Variants in NFIA observed in about 807,000 individuals in gnomAD.
The protein encoded by NFIA is nuclear factor I A, also known as nuclear factor 1 A-type.
In NFIA, 8 loss-of-function variants were observed where a neutral mutation model predicts 62.8. The ratio of observed to expected loss-of-function variants is 0.13; its 90% CI spans 0.07 to 0.23. NFIA has a LOEUF of 0.23. Ranked by LOEUF, NFIA falls within the 10% of genes least tolerant of loss-of-function variation. NFIA has a pLI of 1.00. For missense variants in NFIA, 410 were observed against 642.1 expected (o/e 0.64, Z 3.91); for synonymous variants, 235 against 238.1 (o/e 0.99, Z 0.12).
At chr1:61,181,154 CTTG>C (rs1480600931) in intron 2 of NFIA, among the ~76,000 whole-genome samples, 1 of 152,182 alleles carries the variant, frequency 6.6e-6, no homozygotes, top group Admixed American at 6.5e-5. Context: ...ATTGTTAGCT[CTTG>C]TTGTGCAGAT....
chr1:61,429,915 G>T (rs1490020938), intron 10 of NFIA, among the ~76,000 whole-genome samples: 5 of 152,132 alleles, frequency 3.3e-5, no homozygotes, highest in Non-Finnish European at 7.3e-5. Context: ...AGGGGTTAGG[G>T]GCAGGGCAGA....
chr1:61,274,463 T>C (rs1235599552), intron 2 of NFIA, among the ~76,000 whole-genome samples: 1 of 152,224 alleles, frequency 6.6e-6, no homozygotes, highest in Non-Finnish European at 1.5e-5. Context: ...CTCTTCATTG[T>C]AATATACAGA....
At chr1:61,419,535 A>T (rs992189302) in intron 9 of NFIA, among the ~76,000 whole-genome samples, 2 of 152,184 alleles carry the variant, frequency 1.3e-5, no homozygotes, top group African/African-American at 4.8e-5. Context: ...AAGCGTCTCC[A>T]GTTGAAGGGT....
chr1:61,454,751 T>C (rs545783525), intron 10 of NFIA, among the ~76,000 whole-genome samples: 226 of 152,290 alleles, frequency 1.5e-3, no homozygotes, highest in Non-Finnish European at 2.6e-3. Flanking sequence ...CACTTATTCT[T>C]GTGTCGCTAT....
chr1:61,156,654 A>C (rs1648838703), intron 2 of NFIA, among the ~76,000 whole-genome samples: 1 of 152,244 alleles, frequency 6.6e-6, no homozygotes, highest in African/African-American at 2.4e-5. Context: ...CTGTCGAAAG[A>C]GACCTTTTGA....
intron 10 of NFIA, among the ~76,000 whole-genome samples, chr1:61,445,276 C>CT (rs1355441208): frequency 7.9e-5 from 12 of 152,168 alleles, no homozygotes; most frequent in African/African-American, 2.9e-4. Context: ...TTCACGGAGA[C>CT]TGTCAATGCT....
upstream of NFIA, chr1:61,081,913 G>C (rs1043054625): frequency 1.3e-6 from 2 of 1,548,904 alleles, no homozygotes; most frequent in Admixed American, 3.9e-5. Flanking sequence ...AGTTACCTAG[G>C]AGGTCTGATT....
chr1:61,371,570 A>T (rs1373699831), intron 6 of NFIA, among the ~76,000 whole-genome samples: 2 of 152,184 alleles, frequency 1.3e-5, no homozygotes, highest in Non-Finnish European at 2.9e-5. Context: ...TTTATTAGAA[A>T]TGTCATTATC....
At chr1:61,328,389 T>A (rs2100383068) in intron 3 of NFIA, among the ~76,000 whole-genome samples, 1 of 151,472 alleles carries the variant, frequency 6.6e-6, no homozygotes, top group South Asian at 2.1e-4. Context: ...CTAAAGCTTT[T>A]GATATTTTTC....
intron 3 of NFIA, among the ~76,000 whole-genome samples, chr1:61,313,809 G>T (rs1354336376): frequency 6.6e-6 from 1 of 152,142 alleles, no homozygotes; most frequent in Non-Finnish European, 1.5e-5. Context: ...AAGTGCTTCC[G>T]CCTCTGGAGT....
rs1658295071 is a variant in NFIA at position 61,283,594 on chromosome 1, A to AAAAAAAAAAAAAAAAG, written c.625+6023_625+6024insAGAAAAAAAAAAAAAA. On this transcript the variant is annotated intron_variant, in intron 3 of 10. Transcript: ENST00000403491. Reference sequence around the variant, plus strand: ...GAGACTCTGTCTCAAAAAAAAAAAAAAAAAAAAAAAAAAAGATTTATGTGT... The same window carrying AAAAAAAAAAAAAAAAG: ...GAGACTCTGTCTCAAAAAAAAAAAAAAAAAAAAAAAAAAAAGAAAAAAAAAAAAAAGATTTATGTGT... 2.7e-5 allele frequency among the ~76,000 whole-genome samples: 3 copies of AAAAAAAAAAAAAAAAG among 110,010 alleles called. 1 individual carries two copies. Among genetic ancestry groups the AAAAAAAAAAAAAAAAG allele is most frequent in the Non-Finnish European group, 5.6e-5 (3 of 53,734 alleles). The allele number at this position is 110,010 out of a possible 152,430, so 72.2% of individuals were successfully genotyped here.
intron 3 of NFIA, among the ~76,000 whole-genome samples, chr1:61,314,944 C>G (rs995638734): frequency 6.6e-6 from 1 of 151,952 alleles, no homozygotes; most frequent in Admixed American, 6.6e-5. Flanking sequence ...GTTCACTGTT[C>G]GTATTTGTTT....
At chr1:61,147,883 A>G (rs1016918378) in intron 2 of NFIA, among the ~76,000 whole-genome samples, 3 of 152,188 alleles carry the variant, frequency 2.0e-5, no homozygotes, top group Non-Finnish European at 4.4e-5. Context: ...ATATATTGCA[A>G]TTAATATTGA....
At chr1:61,321,415 AAGGG>A (rs1450613251) in intron 3 of NFIA, among the ~76,000 whole-genome samples, 2 of 151,962 alleles carry the variant, frequency 1.3e-5, no homozygotes, top group African/African-American at 4.8e-5. Context: ...GAGAGAGAGA[AAGGG>A]AGGGAGGAAG....
intron 5 of NFIA, among the ~76,000 whole-genome samples, chr1:61,356,142 C>T (rs1662940280): frequency 6.6e-6 from 1 of 152,130 alleles, no homozygotes; most frequent in Non-Finnish European, 1.5e-5. Context: ...ATTTGTATGG[C>T]TGTTTCTAAG....
At chr1:61,266,938 A>G (rs1488230789) in intron 2 of NFIA, among the ~76,000 whole-genome samples, 1 of 152,142 alleles carries the variant, frequency 6.6e-6, no homozygotes, top group African/African-American at 2.4e-5. Flanking sequence ...CAGTCCTGGT[A>G]CTCTCTAGAG....
rs2782551 is a variant in NFIA at position 61,304,135 on chromosome 1, G to T, written c.625+26550G>T. On this transcript the variant is annotated intron_variant, in intron 3 of 10. Transcript: ENST00000403491. Reference sequence around the variant, plus strand: ...TACTGAAAATAGAAAAATTAGCTGGGCATGGTGGCACGTGCCTGTAATCCC... The same window carrying T: ...TACTGAAAATAGAAAAATTAGCTGGTCATGGTGGCACGTGCCTGTAATCCC... Among the ~76,000 whole-genome samples, 948 of 152,244 alleles carry T rather than the reference G, an allele frequency of 6.2e-3. 9 individuals carry two copies. Among genetic ancestry groups the T allele is most frequent in the Non-Finnish European group, 0.01 (709 of 68,014 alleles).
intron 5 of NFIA, among the ~76,000 whole-genome samples, chr1:61,355,511 A>C (rs1485159871): frequency 6.6e-6 from 1 of 152,168 alleles, no homozygotes; most frequent in Non-Finnish European, 1.5e-5. Flanking sequence ...GTTGTCTCGG[A>C]AGCCTCCACC....
At chr1:61,437,859 TGTATCTGTCA>T in intron 10 of NFIA, among the ~76,000 whole-genome samples, 1 of 53,412 alleles carries the variant, frequency 1.9e-5, no homozygotes, top group African/African-American at 4.5e-5. Flanking sequence ...TTCTGTTTGG[TGTATCTGTCA>T]GTTTACAGTA....
Sources: allele counts gnomAD v4.1 joint callset (sites outside exome capture counted in the v4.1 genomes callset), GRCh38; gene constraint gnomAD v4.1.1; transcripts MANE v1.5; gene names NCBI Gene and HGNC (gene_info 2026-07-23, HGNC 2026-07-21).